Variants in TFDP2 observed in about 807,000 individuals in gnomAD.
The protein encoded by TFDP2 is transcription factor Dp-2 (E2F dimerization partner 2).
A neutral mutation model predicts 59.3 loss-of-function variants in TFDP2; 17 were observed. That is an observed-to-expected ratio of 0.29 (90% CI 0.20 to 0.43). The LOEUF (loss-of-function observed/expected upper bound fraction) is 0.43, where lower values mean the gene tolerates loss of function less well. Among genes scored for constraint, TFDP2 ranks in the 20% least tolerant of loss-of-function variants. TFDP2 has a pLI of 1.00. For synonymous variants in TFDP2, 180 were observed against 194.7 expected (o/e 0.92, Z 0.63); for missense variants, 391 against 528.8 (o/e 0.74, Z 2.56).
chr3:142,009,192 T>C (rs1322967447), intron 3 of TFDP2, among the ~76,000 whole-genome samples: 1 of 152,220 alleles, frequency 6.6e-6, no homozygotes, highest in East Asian at 1.9e-4. Flanking sequence ...AAAAACTGTT[T>C]GATCAGCAAA....
At chr3:142,082,834 A>G (rs1268185540) in intron 3 of TFDP2, among the ~76,000 whole-genome samples, 1 of 152,184 alleles carries the variant, frequency 6.6e-6, no homozygotes, top group Non-Finnish European at 1.5e-5. Context: ...TTCATGATAC[A>G]ATCCCTAAAA....
At chr3:142,131,677 G>A (rs1274277050) in intron 1 of TFDP2, among the ~76,000 whole-genome samples, 1 of 150,188 alleles carries the variant, frequency 6.7e-6, no homozygotes, top group Non-Finnish European at 1.5e-5. Flanking sequence ...AATAAATGTA[G>A]TAAGAAATGC....
At chr3:142,122,454 C>T (rs2062082619) in intron 1 of TFDP2, among the ~76,000 whole-genome samples, 8 of 152,146 alleles carry the variant, frequency 5.3e-5, no homozygotes, top group Admixed American at 5.2e-4. Context: ...ATCATTCCTC[C>T]AAAACAGATT....
intron 3 of TFDP2, among the ~76,000 whole-genome samples, chr3:142,006,488 G>C (rs1157871743): frequency 9.9e-6 from 1 of 101,042 alleles, no homozygotes; most frequent in African/African-American, 3.9e-5. Flanking sequence ...TTTTTTTTGA[G>C]ATGGGGGTCT....
At chr3:141,972,589 C>G (rs1939932580) in intron 8 of TFDP2, among the ~76,000 whole-genome samples, 1 of 152,156 alleles carries the variant, frequency 6.6e-6, no homozygotes, top group Non-Finnish European at 1.5e-5. Context: ...GAAGGCCCTC[C>G]CCACCCTTAT....
At chr3:141,998,227 G>A (rs938324065) in intron 4 of TFDP2, among the ~76,000 whole-genome samples, 6 of 152,122 alleles carry the variant, frequency 3.9e-5, no homozygotes, top group Non-Finnish European at 2.9e-5. Context: ...AAGGAAAGTC[G>A]GTAAGACTTG....
chr3:141,970,023 C>T (rs1317238891), intron 9 of TFDP2, 50 bp downstream of exon 9: 3 of 1,545,142 alleles, frequency 1.9e-6, no homozygotes, highest in Non-Finnish European at 2.7e-6. Flanking sequence ...CTCCAAAAGG[C>T]AGCAAGTGGA....
intron 3 of TFDP2, among the ~76,000 whole-genome samples, chr3:142,022,891 G>T (rs1472147599): frequency 6.6e-6 from 1 of 152,066 alleles, no homozygotes; most frequent in Non-Finnish European, 1.5e-5. Context: ...GGAGGCCAAG[G>T]CGGGTGGATT....
rs142984978 is a variant in TFDP2, at chr3:142,119,505, A to G, written c.-92-17664T>C. 2.4e-4 allele frequency among the ~76,000 whole-genome samples: 37 copies of G among 152,354 alleles called. No homozygotes were observed. In the East Asian group the frequency reaches 7.1e-3, roughly 29 times the overall value. Reference sequence around the variant, plus strand: ...TAGAGTTTCAAGGCCATCAAAAAACAGTTTGACTGCTGTGGAAAATAGAAT... The same window carrying G: ...TAGAGTTTCAAGGCCATCAAAAAACGGTTTGACTGCTGTGGAAAATAGAAT... On this transcript the variant is annotated intron_variant, in intron 1 of 12. Coordinates refer to ENST00000489671, the MANE Select transcript of TFDP2 (RefSeq NM_001178139.2).
chr3:142,054,698 G>A (rs1015091744), intron 3 of TFDP2, among the ~76,000 whole-genome samples: 5 of 151,792 alleles, frequency 3.3e-5, no homozygotes, highest in Non-Finnish European at 7.4e-5. Context: ...GCTGATTTGT[G>A]ATTTGTCAAC....
Position 142,099,635 on chromosome 3 carries a change from G to A in TFDP2, c.15+2100C>T, listed in dbSNP as rs553939749. On this transcript the variant is annotated intron_variant, in intron 2 of 12. Transcript: ENST00000489671. ...GAATCACTTGAACCTGGGAGGCAGAGGTTGCAGTGAGCTGAGATTGTGCCA... is the reference window on the plus strand; with the variant it reads ...GAATCACTTGAACCTGGGAGGCAGAAGTTGCAGTGAGCTGAGATTGTGCCA... 2.7e-3 allele frequency among the ~76,000 whole-genome samples: 405 copies of A among 151,948 alleles called. 2 individuals carry two copies. The highest frequency in any genetic ancestry group is 0.014 in the Middle Eastern group (4 of 294).
intron 1 of TFDP2, among the ~76,000 whole-genome samples, chr3:142,139,370 A>C (rs1037681711): frequency 6.6e-6 from 1 of 152,166 alleles, no homozygotes; most frequent in African/African-American, 2.4e-5. Flanking sequence ...ATTTACATTT[A>C]AGGTTAATAT....
intron 11 of TFDP2, among the ~76,000 whole-genome samples, chr3:141,956,624 T>A (rs1936702977): frequency 6.6e-6 from 1 of 151,952 alleles, no homozygotes. Flanking sequence ...CATGAAAAGA[T>A]GCTCAACATC....
At chr3:142,043,224 T>C (rs577406716) in intron 3 of TFDP2, among the ~76,000 whole-genome samples, 1 of 145,482 alleles carries the variant, frequency 6.9e-6, no homozygotes, top group East Asian at 2.1e-4. Flanking sequence ...TTTTTTTGTA[T>C]TTTTAGTAGA....
chr3:142,123,646 A>G (rs1317024610), intron 1 of TFDP2, among the ~76,000 whole-genome samples: 3 of 152,194 alleles, frequency 2.0e-5, no homozygotes, highest in African/African-American at 4.8e-5. Flanking sequence ...ATTATATTTT[A>G]CCAAGAATGT....
At chr3:142,043,762 CG>C in intron 3 of TFDP2, 1 of 1,580,346 alleles carries the variant, frequency 6.3e-7, no homozygotes, top group Non-Finnish European at 8.7e-7. Flanking sequence ...GAGCTTCTTG[CG>C]GGCCTTGTCT....
At chr3:142,144,746 GC>G (rs1353929368) in intron 1 of TFDP2, among the ~76,000 whole-genome samples, 7 of 152,282 alleles carry the variant, frequency 4.6e-5, no homozygotes, top group East Asian at 3.9e-4. Context: ...TCACCATGTT[GC>G]CCAGGCTGGT....
At chr3:142,107,832 T>G (rs2061525632) in intron 1 of TFDP2, among the ~76,000 whole-genome samples, 1 of 152,104 alleles carries the variant, frequency 6.6e-6, no homozygotes, top group African/African-American at 2.4e-5. Context: ...TGAGATATAA[T>G]AAATATATTC....
chr3:142,024,556 A>T (rs1224915693), intron 3 of TFDP2, among the ~76,000 whole-genome samples: 2 of 152,122 alleles, frequency 1.3e-5, no homozygotes, highest in Non-Finnish European at 2.9e-5. Flanking sequence ...TGTATATATA[A>T]GGCAGAAAAA....
Sources: allele counts gnomAD v4.1 joint callset (sites outside exome capture counted in the v4.1 genomes callset), GRCh38; gene constraint gnomAD v4.1.1; transcripts MANE v1.5; gene names NCBI Gene and HGNC (gene_info 2026-07-23, HGNC 2026-07-21).